Variants in CLEC16A observed in about 807,000 individuals in gnomAD.
CLEC16A encodes protein CLEC16A.
A neutral mutation model predicts 109.5 loss-of-function variants in CLEC16A; 51 were observed. That is an observed-to-expected ratio of 0.47 (90% confidence interval 0.37 to 0.59). The LOEUF (loss-of-function observed/expected upper bound fraction) is 0.59, where lower values mean the gene tolerates loss of function less well. CLEC16A is among the 20% of genes least tolerant of loss of function. The pLI is 0.00. For synonymous variants in CLEC16A, 673 were observed against 564.2 expected (o/e 1.19, Z -2.73); for missense variants, 1,339 against 1,394.0 (o/e 0.96, Z 0.63).
intron 19 of CLEC16A, among the ~76,000 whole-genome samples, chr16:11,096,415 C>CAA (rs1282314020): frequency 6.6e-6 from 1 of 152,172 alleles, no homozygotes; most frequent in African/African-American, 2.4e-5. Context: ...TAACCACAGT[C>CAA]ACAGTGGGTA....
rs199843488 is a variant in CLEC16A at position 11,180,378 on chromosome 16, A to G, written c.*1688A>G. The G allele has an allele frequency of 1.3e-5, 2 of 152,396 alleles. No individual in the cohort carries two copies. The highest frequency in any genetic ancestry group is 2.1e-4 in the South Asian group (1 of 4,822). 9.4% of individuals were successfully genotyped at this position (152,396 alleles called of 1,614,324 possible). A position where few individuals can be genotyped will look rare whatever the true frequency, so the allele number is the denominator to read the frequency against. On this transcript the variant is annotated 3_prime_UTR_variant, in exon 24 of 24. Coordinates refer to ENST00000409790, the MANE Select transcript of CLEC16A (RefSeq NM_015226.3). Reference sequence around the variant, plus strand: ...TACAAGGACCTTTGCTTCCATAGAGAAAACGCACAGCTCAGAAAGGGGGCC... The same window carrying G: ...TACAAGGACCTTTGCTTCCATAGAGGAAACGCACAGCTCAGAAAGGGGGCC...
intron 17 of CLEC16A, among the ~76,000 whole-genome samples, chr16:11,049,993 G>A (rs2047851554): frequency 1.3e-5 from 2 of 152,212 alleles, no homozygotes; most frequent in East Asian, 1.9e-4. Flanking sequence ...TTCACCGGGT[G>A]TCTCAGTATG....
rs1278104425 is a variant in CLEC16A at position 11,142,754 on chromosome 16, AG to A, written c.2641+16610del. On this transcript the variant is annotated intron_variant, in intron 22 of 23. Coordinates refer to ENST00000409790, the MANE Select transcript of CLEC16A (RefSeq NM_015226.3). The stretch of plus-strand genomic sequence containing the variant: ...GCTTATTGTCTTCATGGATCTACAG[AG>A]GTAGGCTTCTGAGGAAAGCAGTGGC... 3.9e-5 allele frequency among the ~76,000 whole-genome samples: 6 copies of A among 152,206 alleles called. 1 individual carries two copies. The East Asian group carries it at 1.2e-3, about 29-fold the overall frequency.
At chr16:11,009,297 A>G (rs111230414) in intron 11 of CLEC16A, among the ~76,000 whole-genome samples, 99 of 152,266 alleles carry the variant, frequency 6.5e-4, no homozygotes, top group African/African-American at 2.2e-3. Context: ...GCTGAATAAT[A>G]ATTCCGTTAT....
chr16:11,067,211 A>T lies in CLEC16A; in HGVS notation c.2116+6189A>T, dbSNP rs145702351. ...TTTGTTTTTTTTTTTTTTTTTTTTTAAAAAAAGCAAGTGCAGACCAATTAC... is the reference window on the plus strand; with the variant it reads ...TTTGTTTTTTTTTTTTTTTTTTTTTTAAAAAAGCAAGTGCAGACCAATTAC... On this transcript the variant is annotated intron_variant, in intron 19 of 23. Coordinates refer to ENST00000409790, the MANE Select transcript of CLEC16A (RefSeq NM_015226.3). Among the ~76,000 whole-genome samples, 416 of 89,404 alleles carry T rather than the reference A, an allele frequency of 4.7e-3. 1 individual carries two copies. Among genetic ancestry groups the T allele is most frequent in the Middle Eastern group, 0.012 (2 of 164 alleles). 58.7% of individuals were successfully genotyped at this position (89,404 alleles called of 152,430 possible).
intron 19 of CLEC16A, among the ~76,000 whole-genome samples, chr16:11,084,171 C>T (rs1213310327): frequency 6.6e-6 from 1 of 152,030 alleles, no homozygotes; most frequent in African/African-American, 2.4e-5. Flanking sequence ...CATCCCTCTG[C>T]TTGGGATGCT....
intron 19 of CLEC16A, among the ~76,000 whole-genome samples, chr16:11,097,039 G>A (rs1190748402): frequency 1.3e-5 from 2 of 152,158 alleles, no homozygotes; most frequent in Non-Finnish European, 2.9e-5. Context: ...GGCCTGCCAA[G>A]ATTTAGTTTC....
At chr16:11,025,614 G>C (rs1833317307) in intron 13 of CLEC16A, among the ~76,000 whole-genome samples, 2 of 152,148 alleles carry the variant, frequency 1.3e-5, no homozygotes, top group Admixed American at 1.3e-4. Context: ...CCCCTGCCAA[G>C]AGCTAGGCTT....
chr16:11,087,858 G>T (rs1257714066), intron 19 of CLEC16A, among the ~76,000 whole-genome samples: 1 of 152,256 alleles, frequency 6.6e-6, no homozygotes, highest in East Asian at 1.9e-4. Context: ...ACACAAGGTG[G>T]CTGGGAGGGG....
chr16:11,053,571 A>G (rs892410287), intron 18 of CLEC16A, among the ~76,000 whole-genome samples: 1 of 152,080 alleles, frequency 6.6e-6, no homozygotes, highest in Non-Finnish European at 1.5e-5. Flanking sequence ...GGGTTTTGCC[A>G]TGTTACCCAG....
rs1009237497 is a variant in CLEC16A at position 11,178,083 on chromosome 16, G to T, written c.2807-252G>T. ...CACATGCTGATTTTGCACAGGCCCT[G>T]AATTTTCCCCTCATATCACAAGTCA... On this transcript the variant is annotated intron_variant, in intron 23 of 23. Coordinates refer to ENST00000409790, the MANE Select transcript of CLEC16A (RefSeq NM_015226.3). The surrounding 1 kb of genome is among the most constrained non-coding windows in gnomAD (Gnocchi z 6.5). 2.6e-5 allele frequency among the ~76,000 whole-genome samples: 4 copies of T among 152,146 alleles called. No individual in the cohort carries two copies. The highest frequency in any genetic ancestry group is 9.7e-5 in the African/African-American group (4 of 41,434).
At position 11,046,382 on chromosome 16, in the gene CLEC16A, T is replaced by C. The variant is rs1027097013; in HGVS notation, c.1816-910T>C. Among the ~76,000 whole-genome samples the C allele has an allele frequency of 3.2e-4, 48 of 152,168 alleles. 1 individual carries two copies. The highest frequency in any genetic ancestry group is 3.0e-3 in the Admixed American group (46 of 15,276). On this transcript the variant is annotated intron_variant, in intron 16 of 23. Coordinates refer to ENST00000409790, the MANE Select transcript of CLEC16A (RefSeq NM_015226.3). Reference sequence around the variant, plus strand: ...TTGTCTTTCCTGGTGGTGGTAGTTATGTCACACAAGAATATTCAAATTTAG... The same window carrying C: ...TTGTCTTTCCTGGTGGTGGTAGTTACGTCACACAAGAATATTCAAATTTAG...
chr16:11,178,741 C>G lies in CLEC16A; in HGVS notation c.*51C>G. ...TGTGTGGCCCCGCTGGTAGGGACCC[C>G]AGTGCCGCTGACTGGCAAGACACAC... On this transcript the variant is annotated 3_prime_UTR_variant, in exon 24 of 24. Coordinates refer to ENST00000409790, the MANE Select transcript of CLEC16A (RefSeq NM_015226.3). This position sits in a 1 kb window ranked among gnomAD's most constrained non-coding sequence, Gnocchi z 6.5. 1 of 1,364,454 alleles carries G rather than the reference C, an allele frequency of 7.3e-7. No homozygotes were observed. Among genetic ancestry groups the G allele is most frequent in the Non-Finnish European group, 9.7e-7 (1 of 1,033,738 alleles). 84.5% of individuals were successfully genotyped at this position (1,364,454 alleles called of 1,614,324 possible).
intron 19 of CLEC16A, among the ~76,000 whole-genome samples, chr16:11,076,074 G>A (rs2049356154): frequency 1.6e-5 from 1 of 62,324 alleles, no homozygotes; most frequent in African/African-American, 5.3e-5. Flanking sequence ...TGCAGCTGGT[G>A]GGGATTCTAG....
intron 22 of CLEC16A, among the ~76,000 whole-genome samples, chr16:11,141,636 G>A (rs943559473): frequency 2.0e-5 from 3 of 152,262 alleles, no homozygotes; most frequent in African/African-American, 7.2e-5. Context: ...CACGTACCGT[G>A]TGGGAAGTGG....
At chr16:11,042,080 G>A (rs970454354) in intron 14 of CLEC16A, 174 bp from the exon 15 acceptor site, 37 of 573,272 alleles carry the variant, frequency 6.5e-5, no homozygotes, top group African/African-American at 5.6e-5. Flanking sequence ...AATTCTAACT[G>A]ATGGGGAATG....
At chr16:10,981,220 C>T (rs191585213) in intron 9 of CLEC16A, among the ~76,000 whole-genome samples, 19 of 152,338 alleles carry the variant, frequency 1.2e-4, no homozygotes, top group African/African-American at 4.3e-4. Context: ...GTTAAGGCCG[C>T]ATTCATTCAA....
At chr16:10,962,217 G>A (rs1307659062) in intron 2 of CLEC16A, among the ~76,000 whole-genome samples, 1 of 152,060 alleles carries the variant, frequency 6.6e-6, no homozygotes, top group South Asian at 2.1e-4. Context: ...CCAAAGTACT[G>A]GGATTGCAGG....
At chr16:11,095,307 G>A (rs866302594) in intron 19 of CLEC16A, among the ~76,000 whole-genome samples, 3 of 152,182 alleles carry the variant, frequency 2.0e-5, no homozygotes, top group Non-Finnish European at 2.9e-5. Flanking sequence ...CAGGGGTCAC[G>A]GCTGGAAAGG....
Sources: allele counts gnomAD v4.1 joint callset (sites outside exome capture counted in the v4.1 genomes callset), GRCh38; gene constraint gnomAD v4.1.1; non-coding constraint Gnocchi (gnomAD v3.1); transcripts MANE v1.5; gene names NCBI Gene and HGNC (gene_info 2026-07-23, HGNC 2026-07-21).